DLGAP2: variants seen among roughly 807,000 people sequenced by gnomAD.
DLGAP2 encodes disks large-associated protein 2.
In DLGAP2, 26 loss-of-function variants were observed where a neutral mutation model predicts 100.3. The observed-to-expected ratio is 0.26, with a 90% CI of 0.19 to 0.36. DLGAP2 has a LOEUF of 0.36. Among genes scored for constraint, DLGAP2 ranks in the 10% least tolerant of loss-of-function variants. The probability of loss-of-function intolerance (pLI) is 1.00; values close to 1 mark genes in which losing one functional copy is unlikely to be tolerated. For synonymous variants in DLGAP2, 886 were observed against 630.1 expected, an observed-to-expected ratio of 1.41 and a Z score of -6.08; for missense variants, 1,858 against 1,453.2, an observed-to-expected ratio of 1.28 and a Z score of -4.53.
At chr8:932,983 T>C (rs1469604552) in intron 2 of DLGAP2, among the ~76,000 whole-genome samples, 1 of 152,188 alleles carries the variant, frequency 6.6e-6, no homozygotes, top group Non-Finnish European at 1.5e-5. Context: ...ATTGGAAATA[T>C]ATGGTTAGGG....
intron 14 of DLGAP2, among the ~76,000 whole-genome samples, chr8:1,698,732 T>A (rs1234399261): frequency 6.7e-6 from 1 of 149,144 alleles, no homozygotes; most frequent in Non-Finnish European, 1.5e-5. Flanking sequence ...CAGGTCCACA[T>A]AAGCCATGTG....
intron 2 of DLGAP2, among the ~76,000 whole-genome samples, chr8:1,212,720 T>G (rs527317016): frequency 1.3e-5 from 2 of 151,950 alleles, no homozygotes; most frequent in African/African-American, 4.8e-5. Flanking sequence ...ATATCTTTAT[T>G]TTTCCAGTAC....
At chr8:1,599,839 T>C (rs1215528408) in intron 6 of DLGAP2, among the ~76,000 whole-genome samples, 1 of 152,206 alleles carries the variant, frequency 6.6e-6, no homozygotes, top group Non-Finnish European at 1.5e-5. Context: ...TGCCAGTTTG[T>C]GTCTTTTAAC....
At chr8:1,199,755 G>A (rs535632626) in intron 2 of DLGAP2, among the ~76,000 whole-genome samples, 3 of 152,250 alleles carry the variant, frequency 2.0e-5, no homozygotes, top group African/African-American at 7.2e-5. Flanking sequence ...TTTAGCATGA[G>A]AGCTCTTGCA....
chr8:810,802 C>G (rs995837879), intron 1 of DLGAP2, among the ~76,000 whole-genome samples: 1 of 152,176 alleles, frequency 6.6e-6, no homozygotes, highest in Non-Finnish European at 1.5e-5. Flanking sequence ...TGCCAGAGCT[C>G]AATTTCTGTC....
intron 3 of DLGAP2, among the ~76,000 whole-genome samples, chr8:1,291,151 G>C (rs1419278898): frequency 6.6e-6 from 1 of 152,172 alleles, no homozygotes; most frequent in Non-Finnish European, 1.5e-5. Flanking sequence ...ACGATGATTG[G>C]AAATGGACCT....
chr8:1,309,282 A>G (rs1480771910), intron 3 of DLGAP2, among the ~76,000 whole-genome samples: 2 of 152,236 alleles, frequency 1.3e-5, no homozygotes, highest in African/African-American at 2.4e-5. Flanking sequence ...GATAAACATG[A>G]AGAGATTTGC....
chr8:1,451,538 T>G lies in DLGAP2; in HGVS notation c.107-49828T>G, dbSNP rs1563157542. On this transcript the variant is annotated intron_variant, in intron 3 of 14. Coordinates refer to ENST00000637795, the MANE Select transcript of DLGAP2 (RefSeq NM_001346810.2). ...TGGTCCCATAAACCGCCTTAATCCT[T>G]CCCCACCTCAGCATCGCCTCTGGCC... Among the ~76,000 whole-genome samples, 3 of 151,868 alleles carry G rather than the reference T, an allele frequency of 2.0e-5. No homozygotes were observed. In the South Asian group the frequency reaches 6.2e-4, roughly 32 times the overall value.
At chr8:832,003 A>G (rs1298853656) in intron 1 of DLGAP2, among the ~76,000 whole-genome samples, 2 of 152,186 alleles carry the variant, frequency 1.3e-5, no homozygotes, top group Non-Finnish European at 1.5e-5. Flanking sequence ...GATTGCATAA[A>G]TGTCTTCTTT....
chr8:1,312,656 T>C (rs1800640066), intron 3 of DLGAP2, among the ~76,000 whole-genome samples: 1 of 152,184 alleles, frequency 6.6e-6, no homozygotes, highest in Admixed American at 6.5e-5. Context: ...ATGAGTGAAA[T>C]GGCAAATTTT....
chr8:1,678,799 A>T, intron 12 of DLGAP2, 170 bp downstream of exon 12: 1 of 735,760 alleles, frequency 1.4e-6, no homozygotes, highest in South Asian at 3.5e-5. Context: ...TATAAATTAC[A>T]TGAAAAGAGA....
At chr8:1,553,353 A>C (rs1468501891) in intron 5 of DLGAP2, among the ~76,000 whole-genome samples, 2 of 152,088 alleles carry the variant, frequency 1.3e-5, no homozygotes, top group Admixed American at 6.5e-5. Context: ...TCTTTATTTG[A>C]CATGAAGAGG....
At chr8:1,475,328 A>T (rs1403982687) in intron 3 of DLGAP2, among the ~76,000 whole-genome samples, 1 of 152,174 alleles carries the variant, frequency 6.6e-6, no homozygotes, top group African/African-American at 2.4e-5. Context: ...TAAAAAAGAA[A>T]AAAAAGCCGG....
At chr8:1,347,954 G>C (rs192570608) in intron 3 of DLGAP2, among the ~76,000 whole-genome samples, 2,266 of 149,212 alleles carry the variant, frequency 0.015, 78 homozygotes, top group African/African-American at 0.054. Flanking sequence ...TTCCCATACA[G>C]AGCTACATTG....
In DLGAP2 at chr8:1,341,790, C is replaced by T. The variant is rs545076021; in HGVS notation, c.106+82907C>T. On this transcript the variant is annotated intron_variant, in intron 3 of 14. Transcript: ENST00000637795. ...TCCCAGCTGCAGTAGGAATGCTGTC[C>T]GCAGGGTCCCTCCATCTGCAGGCCC... Among the ~76,000 whole-genome samples, 22 of 152,250 alleles carry T rather than the reference C, an allele frequency of 1.4e-4. No individual in the cohort carries two copies. The South Asian group carries it at 2.9e-3, about 20-fold the overall frequency.
chr8:1,316,204 C>T (rs533887226), intron 3 of DLGAP2, among the ~76,000 whole-genome samples: 22 of 122,146 alleles, frequency 1.8e-4, no homozygotes, highest in South Asian at 5.6e-4. Flanking sequence ...AGAGCCTGTA[C>T]GAGTGCAGCG....
At chr8:877,590 AG>A (rs1391258819) in intron 1 of DLGAP2, among the ~76,000 whole-genome samples, 1 of 152,218 alleles carries the variant, frequency 6.6e-6, no homozygotes, top group Non-Finnish European at 1.5e-5. Flanking sequence ...TTGAAGGAAT[AG>A]TTTGAGGTTC....
intron 2 of DLGAP2, among the ~76,000 whole-genome samples, chr8:1,107,974 G>A (rs998839702): frequency 4.6e-5 from 7 of 152,178 alleles, no homozygotes; most frequent in African/African-American, 1.4e-4. Context: ...TTCCTGAAGC[G>A]CCTGAAGCAA....
intron 3 of DLGAP2, among the ~76,000 whole-genome samples, chr8:1,310,216 A>C (rs1179022479): frequency 6.6e-6 from 1 of 152,200 alleles, no homozygotes; most frequent in East Asian, 1.9e-4. Flanking sequence ...GGAAATCAAA[A>C]CAGTTAACTC....
Sources: allele counts gnomAD v4.1 joint callset (sites outside exome capture counted in the v4.1 genomes callset), GRCh38; gene constraint gnomAD v4.1.1; transcripts MANE v1.5; gene names NCBI Gene and HGNC (gene_info 2026-07-23, HGNC 2026-07-21).